Variants in ADGRD1 observed in about 807,000 individuals in gnomAD.
ADGRD1 encodes G-protein coupled receptor 133.
Under a neutral mutation model 113.4 loss-of-function variants are expected in ADGRD1, and 77 were observed. That is an observed-to-expected ratio of 0.68 (90% CI 0.57 to 0.82). The LOEUF (loss-of-function observed/expected upper bound fraction) is 0.82. ADGRD1 is among the 40% of genes least tolerant of loss of function. The pLI is 0.00. For synonymous variants in ADGRD1, 474 were observed against 475.0 expected, an observed-to-expected ratio of 1.00 and a Z score of 0.03; for missense variants, 1,036 against 1,139.1, an observed-to-expected ratio of 0.91 and a Z score of 1.30.
At chr12:131,039,529 G>T (rs112228052) in intron 13 of ADGRD1, among the ~76,000 whole-genome samples, 1 of 152,244 alleles carries the variant, frequency 6.6e-6, no homozygotes, top group Non-Finnish European at 1.5e-5. Context: ...TTCCCTGCAG[G>T]GAGCTCTGAC....
chr12:130,957,590 A>C (rs1228567639), intron 2 of ADGRD1: 2 of 152,314 alleles, frequency 1.3e-5, no homozygotes, highest in African/African-American at 4.8e-5. Flanking sequence ...GTACACACAC[A>C]TGCACATGTG....
intron 11 of ADGRD1, among the ~76,000 whole-genome samples, chr12:131,005,741 A>G (rs1164518878): frequency 2.3e-5 from 2 of 87,532 alleles, no homozygotes; most frequent in Admixed American, 2.1e-4. Flanking sequence ...TTCAGCCTCC[A>G]CATGTCTGGA....
At chr12:131,030,128 G>A (rs1195889) in intron 13 of ADGRD1, among the ~76,000 whole-genome samples, 60,172 of 124,434 alleles carry the variant, frequency 0.48, 16,172 homozygotes, top group East Asian at 0.67. Context: ...CCCTTCATAC[G>A]GTGACATTCC....
intron 15 of ADGRD1, among the ~76,000 whole-genome samples, chr12:131,101,788 C>T (rs1158569329): frequency 6.6e-6 from 1 of 152,202 alleles, no homozygotes; most frequent in Non-Finnish European, 1.5e-5. Context: ...GTAACTGACC[C>T]TTACTTCCAT....
chr12:131,019,237 C>T (rs1879014925), intron 13 of ADGRD1, among the ~76,000 whole-genome samples: 1 of 152,164 alleles, frequency 6.6e-6, no homozygotes, highest in Non-Finnish European at 1.5e-5. Context: ...GCTCTAGGGG[C>T]ACCCAGTGGG....
chr12:131,132,114 G>A (rs979354844), intron 21 of ADGRD1, among the ~76,000 whole-genome samples: 1 of 152,200 alleles, frequency 6.6e-6, no homozygotes, highest in Non-Finnish European at 1.5e-5. Context: ...GGCGGCAACG[G>A]GGAAGATTCT....
intron 13 of ADGRD1, among the ~76,000 whole-genome samples, chr12:131,045,669 A>C (rs1037272769): frequency 6.6e-6 from 1 of 152,152 alleles, no homozygotes; most frequent in Non-Finnish European, 1.5e-5. Flanking sequence ...GGCTCAGGGA[A>C]GTCACCATGC....
At chr12:131,132,151 G>A (rs1593271406) in intron 21 of ADGRD1, among the ~76,000 whole-genome samples, 3 of 152,314 alleles carry the variant, frequency 2.0e-5, no homozygotes, top group African/African-American at 2.4e-5. Flanking sequence ...TGCCAGTCCC[G>A]CATCTGCCCT....
In ADGRD1 at chr12:130,981,906, G is replaced by A; in HGVS notation, c.333G>A (p.Trp111Ter). 6.2e-7 allele frequency: 1 copy of A among 1,611,130 alleles called. No homozygotes were observed. Among genetic ancestry groups the A allele is most frequent in the Non-Finnish European group, 8.5e-7 (1 of 1,178,416 alleles). The change falls in exon 5 of 25, where the codon TGG becomes TGA. Residue 111 changes from tryptophan to a stop codon, truncating the protein, a stop_gained. Coordinates refer to ENST00000261654, the MANE Select transcript of ADGRD1 (RefSeq NM_198827.5). LOFTEE classifies it high-confidence loss of function. The part of the protein sequence containing the change: ...GPEGVTFSFF[W>*]KTQGEQSRPI... ...CAGGGGTCACGTTTTCTTTTTTCTG[G>A]AAGACACAAGGAGAACAGTCTAGAC... is the stretch of plus-strand genomic sequence containing the variant.
chr12:131,053,779 A>G (rs1471673111), intron 13 of ADGRD1, among the ~76,000 whole-genome samples: 1 of 152,186 alleles, frequency 6.6e-6, no homozygotes, highest in Non-Finnish European at 1.5e-5. Context: ...GTGCTTGGGA[A>G]TGGGGTCACA....
At chr12:131,105,611 G>A (rs1236992257) in intron 16 of ADGRD1, 143 bp from the exon 17 acceptor site, 13 of 633,562 alleles carry the variant, frequency 2.1e-5, no homozygotes, top group Non-Finnish European at 3.7e-5. Flanking sequence ...GGGAGCCATC[G>A]ATGGTCCACA....
At chr12:131,129,994 A>G (rs899997761) in intron 20 of ADGRD1, among the ~76,000 whole-genome samples, 1 of 152,202 alleles carries the variant, frequency 6.6e-6, no homozygotes, top group African/African-American at 2.4e-5. Context: ...CGAAGTAATA[A>G]CTGCACATTA....
At chr12:131,007,211 A>C (rs1877235532) in intron 12 of ADGRD1, among the ~76,000 whole-genome samples, 1 of 152,232 alleles carries the variant, frequency 6.6e-6, no homozygotes, top group Admixed American at 6.5e-5. Flanking sequence ...TGACCACCAG[A>C]ATCTGACTCC....
At chr12:131,083,191 T>C (rs1886201678) in intron 14 of ADGRD1, among the ~76,000 whole-genome samples, 1 of 152,262 alleles carries the variant, frequency 6.6e-6, no homozygotes, top group South Asian at 2.1e-4. Flanking sequence ...TTCGCCTTTA[T>C]GAATGCTTTC....
At chr12:131,038,092 G>T (rs1046557403) in intron 13 of ADGRD1, among the ~76,000 whole-genome samples, 4 of 152,134 alleles carry the variant, frequency 2.6e-5, no homozygotes, top group African/African-American at 9.7e-5. Context: ...CACTGCACTG[G>T]GTCTTACTCA....
intron 3 of ADGRD1, chr12:130,969,138 A>G: frequency 1.1e-6 from 1 of 902,744 alleles, no homozygotes. Flanking sequence ...TTCTAAGGCC[A>G]ATTCTGTTTG....
intron 21 of ADGRD1, among the ~76,000 whole-genome samples, chr12:131,133,828 G>A (rs1395078232): frequency 6.6e-6 from 1 of 152,220 alleles, no homozygotes; most frequent in Non-Finnish European, 1.5e-5. Context: ...ACTGCATCGT[G>A]AGGAAGCTTC....
Position 131,010,452 on chromosome 12 carries a change from A to G in ADGRD1, c.1332-3747A>G, listed in dbSNP as rs1877729626. Among the ~76,000 whole-genome samples, 3 of 152,128 alleles carry G rather than the reference A, an allele frequency of 2.0e-5. No individual in the cohort carries two copies. The South Asian group carries it at 6.2e-4, about 32-fold the overall frequency. ...TGATAATTCTCCAAATAACCGAATA[A>G]CAGCCCTTTTTCTTACTCCACTTGG... is the stretch of plus-strand genomic sequence containing the variant. On this transcript the variant is annotated intron_variant, in intron 12 of 24. Coordinates refer to ENST00000261654, the MANE Select transcript of ADGRD1 (RefSeq NM_198827.5).
chr12:131,032,684 ACATTTATTAGAGAAAT>A (rs1342118253), intron 13 of ADGRD1, among the ~76,000 whole-genome samples: 80 of 148,598 alleles, frequency 5.4e-4, no homozygotes, highest in African/African-American at 1.7e-3. Flanking sequence ...CACAGAGATG[ACATTTATTAGAGAAAT>A]CGCCACCCCA....
Sources: gnomAD v4.1 joint callset for allele counts (sites outside exome capture counted in the v4.1 genomes callset) on GRCh38, gnomAD v4.1.1 for gene constraint, MANE v1.5 for transcripts, NCBI Gene and HGNC (gene_info 2026-07-23, HGNC 2026-07-21) for gene names.